The following ADGRA3 variants were observed in gnomAD, a reference collection of about 807,000 sequenced individuals.
ADGRA3 encodes adhesion G protein-coupled receptor A3.
ADGRA3 carries 56 observed loss-of-function variants against 119.8 expected under a neutral mutation model. The observed-to-expected ratio is 0.47, with a 90% CI of 0.38 to 0.58. The LOEUF (loss-of-function observed/expected upper bound fraction) is 0.58. ADGRA3 is among the 20% of genes least tolerant of loss of function. ADGRA3 has a pLI of 0.00. For synonymous variants in ADGRA3, 607 were observed against 623.8 expected (o/e 0.97, Z 0.40); for missense variants, 1,516 against 1,649.0 (o/e 0.92, Z 1.40).
chr4:22,466,486 G>A (rs1254550270), intron 2 of ADGRA3, among the ~76,000 whole-genome samples: 2 of 152,156 alleles, frequency 1.3e-5, no homozygotes, highest in Non-Finnish European at 2.9e-5. Context: ...CAGCACTTTG[G>A]GAGGCCGAGG....
At chr4:22,396,671 G>A (rs1714368527) in intron 16 of ADGRA3, among the ~76,000 whole-genome samples, 1 of 152,190 alleles carries the variant, frequency 6.6e-6, no homozygotes, top group Non-Finnish European at 1.5e-5. Context: ...AGCAAAGAAT[G>A]TCTGAGTCAG....
chr4:22,508,612 C>T (rs1232146063), intron 1 of ADGRA3, among the ~76,000 whole-genome samples: 1 of 152,146 alleles, frequency 6.6e-6, no homozygotes, highest in Non-Finnish European at 1.5e-5. Context: ...AGAATTCAGG[C>T]TGTGGCGTCT....
At chr4:22,504,013 C>T (rs1719147063) in intron 1 of ADGRA3, among the ~76,000 whole-genome samples, 1 of 152,010 alleles carries the variant, frequency 6.6e-6, no homozygotes, top group South Asian at 2.1e-4. Context: ...TTATCACAGC[C>T]CTGTCTTCAG....
chr4:22,390,055 T>C (rs1714045349), intron 17 of ADGRA3, among the ~76,000 whole-genome samples: 1 of 151,994 alleles, frequency 6.6e-6, no homozygotes, highest in Non-Finnish European at 1.5e-5. Flanking sequence ...GAAAACTAAT[T>C]ACCCTATAAA....
intron 2 of ADGRA3, among the ~76,000 whole-genome samples, chr4:22,466,748 C>T (rs1717674230): frequency 6.6e-6 from 1 of 152,164 alleles, no homozygotes; most frequent in Non-Finnish European, 1.5e-5. Flanking sequence ...CACTCTGCGC[C>T]CTGTCCTGTG....
At chr4:22,403,728 T>A (rs1481646676) in intron 14 of ADGRA3, among the ~76,000 whole-genome samples, 2 of 151,966 alleles carry the variant, frequency 1.3e-5, no homozygotes, top group African/African-American at 4.8e-5. Flanking sequence ...GGCCACATAG[T>A]GAGAACCTTT....
intron 12 of ADGRA3, 51 bp downstream of exon 12, chr4:22,420,835 C>T: frequency 6.6e-7 from 1 of 1,524,792 alleles, no homozygotes; most frequent in Non-Finnish European, 9.1e-7. Flanking sequence ...ACATTTGGAG[C>T]ATTCTAATTT....
chr4:22,473,285 C>G (rs537950095), intron 2 of ADGRA3: 2 of 152,386 alleles, frequency 1.3e-5, no homozygotes, highest in South Asian at 4.1e-4. Context: ...ACCCCAGTAT[C>G]AGGTATTTCT....
At chr4:22,471,157 G>C (rs1171866847) in intron 2 of ADGRA3, among the ~76,000 whole-genome samples, 1 of 152,162 alleles carries the variant, frequency 6.6e-6, no homozygotes, top group Admixed American at 6.5e-5. Context: ...CCCAGGGCCA[G>C]AGCAGAGCAG....
chr4:22,425,401 G>A (rs1715889225), intron 10 of ADGRA3, among the ~76,000 whole-genome samples: 1 of 152,186 alleles, frequency 6.6e-6, no homozygotes, highest in African/African-American at 2.4e-5. Flanking sequence ...AAATGCCACT[G>A]AAAAGTCAAC....
At chr4:22,396,653 C>T (rs1430501499) in intron 16 of ADGRA3, among the ~76,000 whole-genome samples, 9 of 152,044 alleles carry the variant, frequency 5.9e-5, no homozygotes, top group Admixed American at 5.9e-4. Flanking sequence ...ATTACAGTGA[C>T]AAAGTGAAGC....
At chr4:22,396,622 C>T (rs988453814) in intron 16 of ADGRA3, among the ~76,000 whole-genome samples, 3 of 152,054 alleles carry the variant, frequency 2.0e-5, no homozygotes, top group African/African-American at 7.2e-5. Flanking sequence ...TGCTCTCGGC[C>T]GGTGATTACC....
At chr4:22,426,163 T>C (rs1411541167) in intron 10 of ADGRA3, among the ~76,000 whole-genome samples, 2 of 152,040 alleles carry the variant, frequency 1.3e-5, no homozygotes, top group Admixed American at 1.3e-4. Context: ...AGTAGAAGGG[T>C]TGTATTTGTA....
At chr4:22,418,733 A>G (rs1715530698) in intron 12 of ADGRA3, among the ~76,000 whole-genome samples, 1 of 152,112 alleles carries the variant, frequency 6.6e-6, no homozygotes, top group Non-Finnish European at 1.5e-5. Context: ...TAACAACCTG[A>G]AATGGCACAG....
intron 4 of ADGRA3, among the ~76,000 whole-genome samples, chr4:22,451,152 CA>C (rs1333893711): frequency 2.0e-5 from 3 of 151,320 alleles, no homozygotes; most frequent in African/African-American, 7.3e-5. Flanking sequence ...CAAATATATA[CA>C]CATGTTTTCA....
At chr4:22,515,426 C>G in intron 1 of ADGRA3, 102 bp downstream of exon 1, 2 of 1,409,822 alleles carry the variant, frequency 1.4e-6, no homozygotes, top group Non-Finnish European at 1.9e-6. Context: ...TACAGCTCCA[C>G]ACAAAGGCGC....
intron 2 of ADGRA3, among the ~76,000 whole-genome samples, chr4:22,470,032 G>A (rs143354792): frequency 1.7e-4 from 26 of 152,174 alleles, no homozygotes; most frequent in Non-Finnish European, 2.1e-4. Context: ...CACAGTGTGC[G>A]CACCTTAAAT....
At chr4:22,421,772 C>G (rs1037551591) in intron 11 of ADGRA3, among the ~76,000 whole-genome samples, 3 of 149,652 alleles carry the variant, frequency 2.0e-5, no homozygotes, top group African/African-American at 7.4e-5. Context: ...CCTAGCGACT[C>G]AGGAGGCTGT....
rs572491468 is a variant in ADGRA3, at chr4:22,389,107, T to C, written c.2704A>G (p.Ser902Gly). 136 of 1,614,008 alleles carry C rather than the reference T, an allele frequency of 8.4e-5. 1 individual carries two copies. The South Asian group carries it at 1.4e-3, about 17-fold the overall frequency. Residue 902 changes from serine (S) to glycine (G), a missense_variant, in exon 18 of 19, where the codon AGT (serine) becomes GGT (glycine). This residue lies in a region of ADGRA3 where 1,088 missense variants were observed against 1,107.1 expected (regional missense o/e 0.98). Coordinates refer to ENST00000334304, the MANE Select transcript of ADGRA3 (RefSeq NM_145290.4). Reference protein sequence around the residue: ...TAAANIKNYGSRPNAPYCWMA... With the variant: ...TAAANIKNYGGRPNAPYCWMA... Reference sequence around the variant, plus strand: ...ACTCACTAGGGTGCGTTTGGCCGACTGCCGTAATTCTTAATGTTCGCTGCT... The same window carrying C: ...ACTCACTAGGGTGCGTTTGGCCGACCGCCGTAATTCTTAATGTTCGCTGCT...
Sources: allele counts gnomAD v4.1 joint callset (sites outside exome capture counted in the v4.1 genomes callset), GRCh38; gene constraint gnomAD v4.1.1; regional missense constraint gnomAD v4.1.1; transcripts MANE v1.5; gene names NCBI Gene and HGNC (gene_info 2026-07-23, HGNC 2026-07-21).